PBRM1: variants seen among roughly 807,000 people sequenced by gnomAD.
The protein encoded by PBRM1 is protein polybromo-1.
In PBRM1, 27 loss-of-function variants were observed where a neutral mutation model predicts 194.5. The ratio of observed to expected loss-of-function variants is 0.14; its 90% CI spans 0.10 to 0.19. The LOEUF (loss-of-function observed/expected upper bound fraction) is 0.19. Among genes scored for constraint, PBRM1 ranks in the 10% least tolerant of loss-of-function variants. The pLI, the probability that PBRM1 is intolerant of heterozygous loss-of-function variation, is 1.00. For synonymous variants in PBRM1, 655 were observed against 693.2 expected, an observed-to-expected ratio of 0.94 and a Z score of 0.87; for missense variants, 1,466 against 2,077.2, an observed-to-expected ratio of 0.71 and a Z score of 5.72.
intron 2 of PBRM1, among the ~76,000 whole-genome samples, chr3:52,670,059 C>T (rs7616059): frequency 0.046 from 6,025 of 131,096 alleles, 402 homozygotes; most frequent in African/African-American, 0.14. Flanking sequence ...TCTGGGCCTA[C>T]AGGACCCACA....
At chr3:52,632,054 CAG>C (rs2095636217) in intron 11 of PBRM1, among the ~76,000 whole-genome samples, 1 of 152,140 alleles carries the variant, frequency 6.6e-6, no homozygotes, top group Non-Finnish European at 1.5e-5. Context: ...TTTATAGAAA[CAG>C]AAATTTTAGC....
chr3:52,563,319 G>T, exon 24 of PBRM1: 1 of 1,614,096 alleles, frequency 6.2e-7, no homozygotes. Context: ...CCAGCTCACT[G>T]GCCAGGGGGG....
intron 22 of PBRM1, among the ~76,000 whole-genome samples, chr3:52,570,143 A>C (rs1426140153): frequency 6.6e-6 from 1 of 152,060 alleles, no homozygotes; most frequent in East Asian, 1.9e-4. Flanking sequence ...ACATCAGCTA[A>C]TTTTTGTATT....
chr3:52,684,773 G>C (rs1043875876), intron 1 of PBRM1: 1 of 152,140 alleles, frequency 6.6e-6, no homozygotes, highest in African/African-American at 2.4e-5. Flanking sequence ...GAGGTATTTT[G>C]TACATTCCCA....
intron 9 of PBRM1, among the ~76,000 whole-genome samples, chr3:52,642,806 A>G (rs1441975555): frequency 2.1e-5 from 3 of 140,062 alleles, no homozygotes; most frequent in Non-Finnish European, 3.1e-5. Flanking sequence ...TTTTTTTTTG[A>G]GATGGAGTTT....
exon 21 of PBRM1, chr3:52,579,191 T>C: frequency 1.2e-6 from 2 of 1,613,876 alleles, no homozygotes; most frequent in Non-Finnish European, 1.7e-6. Flanking sequence ...CAGGGACATC[T>C]TCTTTTTCCT....
chr3:52,551,199 C>T (rs2153387305), intron 27 of PBRM1, among the ~76,000 whole-genome samples: 1 of 152,320 alleles, frequency 6.6e-6, no homozygotes, highest in South Asian at 2.1e-4. Context: ...AGGAATGGCA[C>T]TGGAATCAGG....
At chr3:52,669,236 CG>C (rs1193481025) in intron 2 of PBRM1, among the ~76,000 whole-genome samples, 2 of 129,774 alleles carry the variant, frequency 1.5e-5, no homozygotes, top group African/African-American at 2.5e-5. Context: ...CCAAACTCTT[CG>C]GAAAAAAAAA....
At chr3:52,591,843 T>C (rs1254823287) in intron 17 of PBRM1, among the ~76,000 whole-genome samples, 1 of 119,328 alleles carries the variant, frequency 8.4e-6, no homozygotes, top group Non-Finnish European at 1.7e-5. Flanking sequence ...TTTTTTGACA[T>C]AGTCTTGCTC....
rs2153376065 is a variant in PBRM1 at position 52,550,556 on chromosome 3, G to A, written c.4762C>T (p.Gln1588Ter). 6.4e-7 allele frequency: 1 copy of A among 1,555,880 alleles called. No homozygotes were observed. Among genetic ancestry groups the A allele is most frequent in the East Asian group, 2.3e-5 (1 of 44,364 alleles). The stretch of plus-strand genomic sequence containing the variant: ...GCTACAAACATGGGTGTTGTTGGCT[G>A]CTGTATGACAGGGGGTCCAGCTGGA... Residue 1588 changes from glutamine to a stop codon, truncating the protein, a stop_gained, in exon 29 of 30, where the codon CAG (glutamine) becomes TAG (stop). Transcript: ENST00000296302. LOFTEE classifies it high-confidence loss of function.
chr3:52,626,032 G>T (rs542624104), intron 13 of PBRM1, among the ~76,000 whole-genome samples: 1 of 152,258 alleles, frequency 6.6e-6, no homozygotes, highest in East Asian at 1.9e-4. Flanking sequence ...GGCACTAATT[G>T]TACCATCACT....
upstream of PBRM1, among the ~76,000 whole-genome samples, chr3:52,683,134 C>A (rs764472616): frequency 6.6e-6 from 1 of 151,702 alleles, no homozygotes; most frequent in East Asian, 1.9e-4. Flanking sequence ...ACCCGGGAGG[C>A]GGAGGTTGCA....
chr3:52,643,390 T>TA (rs773818909), intron 8 of PBRM1, 47 bp from the exon 10 acceptor site: 9 of 1,208,388 alleles, frequency 7.4e-6, no homozygotes, highest in African/African-American at 3.0e-5. Flanking sequence ...TAGCTGAAAT[T>TA]AGAGTGCTGG....
At chr3:52,640,738 T>C (rs569181854) in intron 10 of PBRM1, among the ~76,000 whole-genome samples, 1 of 152,136 alleles carries the variant, frequency 6.6e-6, no homozygotes, top group South Asian at 2.1e-4. Flanking sequence ...ACTTCCTCGG[T>C]TCAAGTGATC....
intron 23 of PBRM1, among the ~76,000 whole-genome samples, chr3:52,563,761 A>C (rs2084300242): frequency 6.6e-6 from 1 of 151,346 alleles, no homozygotes; most frequent in Non-Finnish European, 1.5e-5. Flanking sequence ...AAGAGTTTTC[A>C]TAATCTGTGG....
upstream of PBRM1, among the ~76,000 whole-genome samples, chr3:52,683,189 C>G (rs1180044819): frequency 6.7e-6 from 1 of 148,426 alleles, no homozygotes; most frequent in Non-Finnish European, 1.5e-5. Context: ...GACGTCAGAG[C>G]AAGACTCTGT....
chr3:52,661,287 A>C (rs2096719795), intron 4 of PBRM1, among the ~76,000 whole-genome samples: 1 of 152,164 alleles, frequency 6.6e-6, no homozygotes, highest in African/African-American at 2.4e-5. Flanking sequence ...GGCCTCCCAA[A>C]GTGCTGGGAT....
intron 2 of PBRM1, among the ~76,000 whole-genome samples, chr3:52,672,698 T>C (rs1030240220): frequency 6.6e-6 from 1 of 151,946 alleles, no homozygotes; most frequent in Non-Finnish European, 1.5e-5. Context: ...TTCTCCATGT[T>C]GGTCAGGCTG....
At chr3:52,568,919 T>C (rs909694158) in intron 22 of PBRM1, among the ~76,000 whole-genome samples, 10 of 152,150 alleles carry the variant, frequency 6.6e-5, no homozygotes, top group South Asian at 6.2e-4. Flanking sequence ...GGGTCTCACT[T>C]TGTTGCCCAG....
Sources: gnomAD v4.1 joint callset for allele counts (sites outside exome capture counted in the v4.1 genomes callset) on GRCh38, gnomAD v4.1.1 for gene constraint, MANE v1.5 for transcripts, NCBI Gene and HGNC (gene_info 2026-07-23, HGNC 2026-07-21) for gene names.